Variants in FNBP1 observed in about 807,000 individuals in gnomAD.
FNBP1 encodes the protein formin binding protein 1.
A neutral mutation model predicts 90.6 loss-of-function variants in FNBP1; 26 were observed. The observed-to-expected ratio is 0.29, with a 90% CI of 0.21 to 0.40. FNBP1 has a LOEUF of 0.40. FNBP1 is among the 10% of genes least tolerant of loss of function. The pLI, the probability that FNBP1 is intolerant of heterozygous loss-of-function variation, is 1.00. For missense variants in FNBP1, 635 were observed against 768.0 expected (o/e 0.83, Z 2.05); for synonymous variants, 260 against 265.2 (o/e 0.98, Z 0.19).
At chr9:130,001,982 C>T (rs565504631) in intron 1 of FNBP1, among the ~76,000 whole-genome samples, 140 of 146,302 alleles carry the variant, frequency 9.6e-4, no homozygotes, top group Non-Finnish European at 1.6e-3. Flanking sequence ...GAACTGAGAT[C>T]GCGCCACTGC....
chr9:129,932,272 A>G (rs2132106584), intron 6 of FNBP1, among the ~76,000 whole-genome samples: 1 of 152,280 alleles, frequency 6.6e-6, no homozygotes, highest in South Asian at 2.1e-4. Context: ...GAGAAAGTGA[A>G]AGAGAGAAAG....
intron 11 of FNBP1, among the ~76,000 whole-genome samples, chr9:129,910,479 C>G (rs2039041435): frequency 9.5e-5 from 1 of 10,574 alleles, no homozygotes. Flanking sequence ...GAGACTCCAT[C>G]TCAAAAAAAC....
Position 130,037,164 on chromosome 9 carries a change from C to G in FNBP1, c.24+5788G>C, listed in dbSNP as rs1386732344. Among the ~76,000 whole-genome samples the G allele has an allele frequency of 2.6e-5, 4 of 152,082 alleles. No homozygotes were observed. In the East Asian group the frequency reaches 7.7e-4, roughly 29 times the overall value. On this transcript the variant is annotated intron_variant, in intron 1 of 16. Coordinates refer to ENST00000446176, the MANE Select transcript of FNBP1 (RefSeq NM_015033.3). The stretch of plus-strand genomic sequence containing the variant: ...TTGAGGTCAGGAGTTTGAGACCAGC[C>G]TGGTCAACGTGGTGAAACCCCATCT...
chr9:130,046,725 G>A (rs1048028941), upstream of FNBP1, among the ~76,000 whole-genome samples: 4 of 144,178 alleles, frequency 2.8e-5, no homozygotes, highest in South Asian at 2.2e-4. Context: ...CTAAGATCGC[G>A]CCACTACACT....
chr9:130,023,689 G>A (rs1311089082), intron 1 of FNBP1, among the ~76,000 whole-genome samples: 1 of 151,936 alleles, frequency 6.6e-6, no homozygotes, highest in Non-Finnish European at 1.5e-5. Flanking sequence ...CATGTTAGGT[G>A]ATCTGGGTTC....
chr9:129,962,936 A>C (rs2048034654), intron 4 of FNBP1, among the ~76,000 whole-genome samples: 1 of 152,108 alleles, frequency 6.6e-6, no homozygotes, highest in African/African-American at 2.4e-5. Flanking sequence ...ATCTGGGCTC[A>C]ACTGTGCCCT....
At chr9:129,908,838 G>T in intron 12 of FNBP1, 52 bp downstream of exon 12, 1 of 1,202,450 alleles carries the variant, frequency 8.3e-7, no homozygotes, top group Non-Finnish European at 1.2e-6. Flanking sequence ...CAGGTTGTGA[G>T]CCACTGCGCC....
Position 129,927,370 on chromosome 9 carries a change from G to C in FNBP1, c.643-29C>G, listed in dbSNP as rs1050409913. On this transcript the variant is annotated intron_variant, in intron 7 of 16. Coordinates refer to ENST00000446176, the MANE Select transcript of FNBP1 (RefSeq NM_015033.3). ...CAACATTAGATTTTGTATAAAGTAAGTTTGGTCCATTATTATTAAACAAAG... is the reference window on the plus strand; with the variant it reads ...CAACATTAGATTTTGTATAAAGTAACTTTGGTCCATTATTATTAAACAAAG... 13 of 1,598,880 alleles carry C rather than the reference G, an allele frequency of 8.1e-6. No homozygotes were observed. In the African/African-American group the frequency reaches 1.7e-4, roughly 21 times the overall value.
chr9:130,021,779 G>A (rs1272783230), intron 1 of FNBP1, among the ~76,000 whole-genome samples: 2 of 152,146 alleles, frequency 1.3e-5, no homozygotes, highest in Non-Finnish European at 2.9e-5. Flanking sequence ...ATTTGCATTG[G>A]CTTTTAAATT....
intron 6 of FNBP1, among the ~76,000 whole-genome samples, chr9:129,952,824 T>G (rs527441580): frequency 2.0e-5 from 3 of 152,190 alleles, no homozygotes; most frequent in Non-Finnish European, 4.4e-5. Context: ...ATCACTGTAA[T>G]AGTTGTAGAT....
intron 6 of FNBP1, among the ~76,000 whole-genome samples, chr9:129,931,500 G>C (rs1171720859): frequency 6.6e-6 from 1 of 152,020 alleles, no homozygotes; most frequent in Non-Finnish European, 1.5e-5. Context: ...CAGCTACTCG[G>C]GAGGCTGAGG....
At chr9:129,991,647 T>TTTAGACA (rs199612373) in intron 2 of FNBP1, among the ~76,000 whole-genome samples, 2,456 of 150,952 alleles carry the variant, frequency 0.016, 32 homozygotes, top group Non-Finnish European at 0.026. Flanking sequence ...TCAGATGGTT[T>TTTAGACA]TTAGACATTT....
chr9:129,981,059 A>C (rs1387896035), intron 2 of FNBP1, among the ~76,000 whole-genome samples: 1 of 151,602 alleles, frequency 6.6e-6, no homozygotes, highest in African/African-American at 2.4e-5. Flanking sequence ...TCAAAAAAAA[A>C]AAAAAAAAGA....
rs940082304 is a variant in FNBP1 at position 130,031,342 on chromosome 9, C to T, written c.24+11610G>A. Among the ~76,000 whole-genome samples, 4 of 152,242 alleles carry T rather than the reference C, an allele frequency of 2.6e-5. No individual in the cohort carries two copies. The highest frequency in any genetic ancestry group is 5.9e-5 in the Non-Finnish European group (4 of 68,040). ...GCAGTTCAAGGGTATTTCCCATGCT[C>T]TCAAGGTGAGGTCATAGTCCTCACA... On this transcript the variant is annotated intron_variant, in intron 1 of 16. Coordinates refer to ENST00000446176, the MANE Select transcript of FNBP1 (RefSeq NM_015033.3). This position sits in a 1 kb window ranked among gnomAD's most constrained non-coding sequence, Gnocchi z 4.2.
chr9:129,897,445 T>C (rs2035972966), intron 15 of FNBP1, among the ~76,000 whole-genome samples: 3 of 152,188 alleles, frequency 2.0e-5, no homozygotes, highest in Admixed American at 2.0e-4. Flanking sequence ...ACAATGAACA[T>C]TTAGTCTATT....
intron 1 of FNBP1, among the ~76,000 whole-genome samples, chr9:130,013,204 A>C (rs919753164): frequency 2.0e-5 from 3 of 151,120 alleles, no homozygotes; most frequent in African/African-American, 7.3e-5. Context: ...GGTCTTGAAT[A>C]CCTGGGCTCA....
Position 129,890,543 on chromosome 9 carries a change from G to A in FNBP1, c.1850C>T (p.Ser617Phe), listed in dbSNP as rs771363403. 6.3e-7 allele frequency: 1 copy of A among 1,585,400 alleles called. No individual in the cohort carries two copies. The highest frequency in any genetic ancestry group is 8.6e-7 in the Non-Finnish European group (1 of 1,166,646). The change falls in exon 17 of 17, where the codon TCC becomes TTC. Residue 617 changes from serine to phenylalanine, a missense_variant. Coordinates refer to ENST00000446176, the MANE Select transcript of FNBP1 (RefSeq NM_015033.3). The surrounding 1 kb of genome is among the most constrained non-coding windows in gnomAD (Gnocchi z 5.8). ...GAGGCTCGCAGGCACTCCCCTCTAG[G>A]AATCTACAACACAAAGAGAAACAGA... Reference protein sequence around the residue: ...EVCLDKNAKDS With the variant: ...EVCLDKNAKDF
At position 130,030,396 on chromosome 9, in the gene FNBP1, T is replaced by C. The variant is rs928431824; in HGVS notation, c.24+12556A>G. 4.7e-5 allele frequency among the ~76,000 whole-genome samples: 7 copies of C among 148,422 alleles called. No individual in the cohort carries two copies. The East Asian group carries it at 1.2e-3, about 25-fold the overall frequency. The stretch of plus-strand genomic sequence containing the variant: ...GTTGCAGTGAGCCGAGATTGCACCA[T>C]TGCACTCCAGCCTGGGTGACAGAGC... On this transcript the variant is annotated intron_variant, in intron 1 of 16. Transcript: ENST00000446176.
chr9:129,970,852 A>G (rs7040691), intron 4 of FNBP1, among the ~76,000 whole-genome samples: 147,571 of 152,238 alleles, frequency 0.97, 71,694 homozygotes, highest in East Asian at 1. Context: ...CTTGCAGGGG[A>G]GAAAGGTTCT....
Sources: allele counts gnomAD v4.1 joint callset (sites outside exome capture counted in the v4.1 genomes callset), GRCh38; gene constraint gnomAD v4.1.1; non-coding constraint Gnocchi (gnomAD v3.1); transcripts MANE v1.5; gene names NCBI Gene and HGNC (gene_info 2026-07-23, HGNC 2026-07-21).